CBR4: variants seen among roughly 807,000 people sequenced by gnomAD.
The protein encoded by CBR4 is carbonyl reductase 4.
CBR4 carries 22 observed loss-of-function variants against 21.0 expected under a neutral mutation model. That is an observed-to-expected ratio of 1.05 (90% CI 0.75 to 1.50). CBR4 has a LOEUF of 1.50. Ranked by LOEUF, CBR4 falls within the 40% of genes most tolerant of loss-of-function variation. CBR4 has a pLI of 0.00. For synonymous variants in CBR4, 100 were observed against 104.4 expected (o/e 0.96, Z 0.26); for missense variants, 302 against 286.3 (o/e 1.05, Z -0.40).
chr4:169,002,210 GACAAAAA>G lies in CBR4; in HGVS notation c.401-12_401-6del, dbSNP rs774765614. 6.1e-5 allele frequency: 36 copies of G among 586,398 alleles called. No individual in the cohort carries two copies. Among genetic ancestry groups the G allele is most frequent in the Middle Eastern group, 6.6e-4 (1 of 1,512 alleles). 36.3% of individuals were successfully genotyped at this position (586,398 alleles called of 1,614,324 possible). A position where few individuals can be genotyped will look rare whatever the true frequency, so the allele number is the denominator to read the frequency against. ...CTTTTAAGCCAACAATGCTTCCTAG[GACAAAAA>G]AAAAAAAAAAAAAAAAAAAAGCGTA... On this transcript the variant is annotated splice_region_variant and splice_polypyrimidine_tract_variant and intron_variant, in intron 3 of 4. Coordinates refer to ENST00000306193, the MANE Select transcript of CBR4 (RefSeq NM_032783.5).
At chr4:168,949,751 C>A (rs959817172) in intron 2 of CBR4, among the ~76,000 whole-genome samples, 1 of 151,742 alleles carries the variant, frequency 6.6e-6, no homozygotes, top group African/African-American at 2.4e-5. Flanking sequence ...TGGTCCTGGA[C>A]TTTTTTTTGT....
rs371974827 is a variant in CBR4 at position 169,007,769 on chromosome 4, G to C, written c.143-13C>G. ...GCCAAATGATCTCCTACACAACAAA[G>C]TTAAATAAGAATTACTTATAACTCA... On this transcript the variant is annotated splice_polypyrimidine_tract_variant and intron_variant, in intron 1 of 4. Transcript: ENST00000306193. 1.3e-6 allele frequency: 2 copies of C among 1,555,592 alleles called. No individual in the cohort carries two copies. The highest frequency in any genetic ancestry group is 2.8e-5 in the African/African-American group (2 of 72,344).
chr4:168,976,185 C>T (rs1466110847), intron 2 of CBR4, among the ~76,000 whole-genome samples: 1 of 152,236 alleles, frequency 6.6e-6, no homozygotes, highest in Non-Finnish European at 1.5e-5. Context: ...CTAGGAGGTT[C>T]CTTCACTCTG....
intron 2 of CBR4, among the ~76,000 whole-genome samples, chr4:168,911,020 C>G (rs1268199338): frequency 2.0e-5 from 3 of 152,128 alleles, no homozygotes; most frequent in Non-Finnish European, 2.9e-5. Flanking sequence ...TAACACAGTA[C>G]CAGCTATGAG....
chr4:168,939,286 T>C (rs377517744), intron 2 of CBR4, among the ~76,000 whole-genome samples: 2 of 152,148 alleles, frequency 1.3e-5, no homozygotes. Flanking sequence ...TAGGTAGTGA[T>C]GGAATGTATC....
intron 2 of CBR4, among the ~76,000 whole-genome samples, chr4:168,972,274 G>A (rs1397149190): frequency 6.6e-6 from 1 of 152,096 alleles, no homozygotes; most frequent in African/African-American, 2.4e-5. Context: ...CTCTTTTTCG[G>A]TTCCACATGA....
chr4:168,987,176 T>C (rs1484512505), downstream of CBR4, among the ~76,000 whole-genome samples: 3 of 152,242 alleles, frequency 2.0e-5, no homozygotes, highest in Non-Finnish European at 4.4e-5. Flanking sequence ...ACTGAAAGCA[T>C]ACTGCCTAAG....
intron 2 of CBR4, among the ~76,000 whole-genome samples, chr4:168,970,632 C>A (rs1266701571): frequency 1.3e-5 from 2 of 151,894 alleles, no homozygotes; most frequent in African/African-American, 2.4e-5. Context: ...TTGTCCCTCA[C>A]CCCCCTCCCA....
At chr4:168,928,580 G>A (rs1424028379) in intron 2 of CBR4, 2 of 158,778 alleles carry the variant, frequency 1.3e-5, no homozygotes, top group African/African-American at 4.8e-5. Context: ...TGGGTTCTCT[G>A]TTCAGGATCT....
intron 2 of CBR4, among the ~76,000 whole-genome samples, chr4:168,961,387 C>T (rs1387139241): frequency 4.0e-5 from 6 of 151,810 alleles, no homozygotes; most frequent in Admixed American, 6.6e-5. Context: ...ATATTATGAA[C>T]AAAAAAGAAT....
At chr4:168,951,288 A>C (rs1763533723) in intron 2 of CBR4, among the ~76,000 whole-genome samples, 1 of 151,976 alleles carries the variant, frequency 6.6e-6, no homozygotes, top group South Asian at 2.1e-4. Flanking sequence ...CGATCTCTTG[A>C]CCTCGTGATC....
rs1731025822 is a variant in CBR4, at chr4:169,007,638, G to A, written c.261C>T (p.Asn87=). The part of the protein sequence containing the change: ...VNFLVNAAGI[N]RDGLLVRTKT... ...ACTTATTTAAATCTGTGACCAACCT[G>A]TTAATACCAGCTGCATTTACCAAGA... Residue 87 remains asparagine, a splice_region_variant and synonymous_variant, in exon 2 of 5, where the codon AAC becomes AAT. Coordinates refer to ENST00000306193, the MANE Select transcript of CBR4 (RefSeq NM_032783.5). The A allele has an allele frequency of 6.4e-7, 1 of 1,564,980 alleles. No homozygotes were observed. The highest frequency in any genetic ancestry group is 8.6e-7 in the Non-Finnish European group (1 of 1,158,666).
intron 2 of CBR4, among the ~76,000 whole-genome samples, chr4:168,975,004 TA>T (rs770656087): frequency 2.0e-5 from 3 of 152,234 alleles, no homozygotes; most frequent in Non-Finnish European, 4.4e-5. Context: ...TTACCAGAGT[TA>T]CTTTTCTGAT....
chr4:168,914,812 G>A (rs1759770781), intron 2 of CBR4, among the ~76,000 whole-genome samples: 1 of 152,176 alleles, frequency 6.6e-6, no homozygotes, highest in Non-Finnish European at 1.5e-5. Flanking sequence ...GAGTAGGCAG[G>A]AAAACTGAGT....
chr4:168,902,339 G>T (rs1466000825), intron 2 of CBR4, among the ~76,000 whole-genome samples: 1 of 152,142 alleles, frequency 6.6e-6, no homozygotes, highest in African/African-American at 2.4e-5. Flanking sequence ...AAAAGGAAAG[G>T]TTTATTTGCT....
At chr4:168,911,905 T>C (rs1759043487) in intron 2 of CBR4, among the ~76,000 whole-genome samples, 1 of 152,162 alleles carries the variant, frequency 6.6e-6, no homozygotes, top group African/African-American at 2.4e-5. Flanking sequence ...GGTATAAAAC[T>C]AGTTATGTTT....
At chr4:168,990,376 TCTG>T in intron 4 of CBR4, 48 bp from the exon 5 acceptor site, 1 of 1,364,080 alleles carries the variant, frequency 7.3e-7, no homozygotes, top group Non-Finnish European at 9.6e-7. Flanking sequence ...CACTAAGACA[TCTG>T]CTGAATTTCA....
intron 2 of CBR4, among the ~76,000 whole-genome samples, chr4:168,905,790 C>CTTTTTTTTTTTTTTTTTTTTTTTTTT (rs59427697): frequency 8.8e-6 from 1 of 113,096 alleles, no homozygotes; most frequent in African/African-American, 3.2e-5. Context: ...GCTTTTTTTT[C>CTTTTTTTTTTTTTTTTTTTTTTTTTT]TTTTTTTTTT....
intron 2 of CBR4, among the ~76,000 whole-genome samples, chr4:168,910,612 C>T (rs992834812): frequency 1.3e-5 from 2 of 152,172 alleles, no homozygotes; most frequent in African/African-American, 4.8e-5. Context: ...AAACACAATG[C>T]TGCCCGGTGC....
Sources: allele counts gnomAD v4.1 joint callset (sites outside exome capture counted in the v4.1 genomes callset), GRCh38; gene constraint gnomAD v4.1.1; transcripts MANE v1.5; gene names NCBI Gene and HGNC (gene_info 2026-07-23, HGNC 2026-07-21).